PLXDC2: variants seen among roughly 807,000 people sequenced by gnomAD.
The protein encoded by PLXDC2 is plexin domain-containing protein 2.
Under a neutral mutation model 68.9 loss-of-function variants are expected in PLXDC2, and 40 were observed. That is an observed-to-expected ratio of 0.58 (90% CI 0.45 to 0.76). The LOEUF (loss-of-function observed/expected upper bound fraction) is 0.76. PLXDC2 is among the 30% of genes least tolerant of loss of function. The pLI is 0.00. For synonymous variants in PLXDC2, 243 were observed against 234.2 expected (o/e 1.04, Z -0.34); for missense variants, 644 against 661.9 (o/e 0.97, Z 0.30).
At chr10:19,951,383 G>A (rs775060843) in intron 1 of PLXDC2, among the ~76,000 whole-genome samples, 11 of 151,958 alleles carry the variant, frequency 7.2e-5, no homozygotes, top group Non-Finnish European at 1.5e-4. Flanking sequence ...CACATAGGTA[G>A]CCAACAAACA....
chr10:20,043,572 A>G (rs1835722360), intron 2 of PLXDC2, among the ~76,000 whole-genome samples: 1 of 152,130 alleles, frequency 6.6e-6, no homozygotes, highest in South Asian at 2.1e-4. Flanking sequence ...TGAAATTTTG[A>G]CACCTTAAAG....
At chr10:19,980,357 A>T (rs1001581597) in intron 1 of PLXDC2, among the ~76,000 whole-genome samples, 1 of 152,218 alleles carries the variant, frequency 6.6e-6, no homozygotes, top group African/African-American at 2.4e-5. Context: ...GTCAAGGATC[A>T]GTTATGTTTG....
intron 4 of PLXDC2, among the ~76,000 whole-genome samples, chr10:20,127,919 C>T (rs1222812158): frequency 1.3e-5 from 2 of 152,138 alleles, no homozygotes; most frequent in African/African-American, 4.8e-5. Context: ...GCATGAGCTT[C>T]CCTCTCTAGA....
chr10:20,083,126 G>A lies in PLXDC2; in HGVS notation c.541+14887G>A, dbSNP rs371906994. On this transcript the variant is annotated intron_variant, in intron 4 of 13. Transcript: ENST00000377252. ...CCCTAAGAGACTTGACAGATGGCTG[G>A]AGATCAGGAGTAGGAAAGAGATGTA... is the stretch of plus-strand genomic sequence containing the variant. Among the ~76,000 whole-genome samples, 31 of 152,254 alleles carry A rather than the reference G, an allele frequency of 2.0e-4. 1 individual carries two copies. In the East Asian group the frequency reaches 5.8e-3, roughly 28 times the overall value.
intron 4 of PLXDC2, among the ~76,000 whole-genome samples, chr10:20,124,499 G>C (rs1480838316): frequency 6.6e-6 from 1 of 152,144 alleles, no homozygotes; most frequent in Non-Finnish European, 1.5e-5. Flanking sequence ...GATCTCTCAA[G>C]GGAGGTCCCC....
At chr10:20,116,634 C>G (rs914135370) in intron 4 of PLXDC2, among the ~76,000 whole-genome samples, 4 of 152,172 alleles carry the variant, frequency 2.6e-5, no homozygotes, top group African/African-American at 9.6e-5. Flanking sequence ...TATTTGGATA[C>G]CTACAGATTG....
intron 1 of PLXDC2, among the ~76,000 whole-genome samples, chr10:19,841,971 G>A (rs568933127): frequency 6.6e-6 from 1 of 152,152 alleles, no homozygotes; most frequent in African/African-American, 2.4e-5. Flanking sequence ...AGTCTGTCAT[G>A]CCCCACATTA....
chr10:20,258,266 G>T (rs1835768062), intron 13 of PLXDC2, among the ~76,000 whole-genome samples: 1 of 151,990 alleles, frequency 6.6e-6, no homozygotes, highest in Non-Finnish European at 1.5e-5. Context: ...TTCCCAAAGT[G>T]CTGGAATTAC....
chr10:19,989,568 AG>A (rs893141458), intron 1 of PLXDC2, among the ~76,000 whole-genome samples: 3 of 152,224 alleles, frequency 2.0e-5, no homozygotes, highest in Admixed American at 1.3e-4. Context: ...AGACATGTGC[AG>A]GCTTTCAGAG....
intron 1 of PLXDC2, among the ~76,000 whole-genome samples, chr10:19,946,359 C>G (rs1833900564): frequency 1.3e-5 from 2 of 152,182 alleles, no homozygotes; most frequent in South Asian, 4.1e-4. Flanking sequence ...TCACTCCAAC[C>G]AAATTAAATA....
At chr10:20,026,901 A>ATATTTTTATAATATATT in intron 2 of PLXDC2, among the ~76,000 whole-genome samples, 1 of 133,162 alleles carries the variant, frequency 7.5e-6, no homozygotes, top group Non-Finnish European at 1.6e-5. Context: ...TATATAGAAT[A>ATATTTTTATAATATATT]CACTTTTATA....
At chr10:19,939,333 T>C (rs1833778440) in intron 1 of PLXDC2, among the ~76,000 whole-genome samples, 1 of 152,092 alleles carries the variant, frequency 6.6e-6, no homozygotes, top group Non-Finnish European at 1.5e-5. Flanking sequence ...GGGGAACAGA[T>C]TACACCCCCT....
At chr10:20,161,945 T>G (rs1215163382) in intron 6 of PLXDC2, among the ~76,000 whole-genome samples, 1 of 151,510 alleles carries the variant, frequency 6.6e-6, no homozygotes, top group Non-Finnish European at 1.5e-5. Flanking sequence ...GTAGGAGAAT[T>G]GCTTGAACCC....
At chr10:20,189,325 A>C (rs2131837201) in intron 9 of PLXDC2, among the ~76,000 whole-genome samples, 1 of 150,940 alleles carries the variant, frequency 6.6e-6, no homozygotes, top group East Asian at 2.0e-4. Context: ...AGAACCTGTC[A>C]TGAATTGGAA....
intron 4 of PLXDC2, among the ~76,000 whole-genome samples, chr10:20,133,480 C>A (rs1833894805): frequency 6.6e-6 from 1 of 152,096 alleles, no homozygotes; most frequent in Admixed American, 6.5e-5. Flanking sequence ...TTATAGTATT[C>A]TTGGTCATTG....
At chr10:20,118,135 CACAG>C (rs1316016275) in intron 4 of PLXDC2, among the ~76,000 whole-genome samples, 1 of 149,986 alleles carries the variant, frequency 6.7e-6, no homozygotes, top group Non-Finnish European at 1.5e-5. Context: ...CACACACACA[CACAG>C]ACACACACAC....
At chr10:19,876,242 C>A (rs1837629709) in intron 1 of PLXDC2, among the ~76,000 whole-genome samples, 1 of 152,122 alleles carries the variant, frequency 6.6e-6, no homozygotes, top group Non-Finnish European at 1.5e-5. Flanking sequence ...GTTTTGCTAT[C>A]TTTGAAATTG....
chr10:19,893,939 C>A (rs1838010525), intron 1 of PLXDC2, among the ~76,000 whole-genome samples: 1 of 152,202 alleles, frequency 6.6e-6, no homozygotes, highest in Non-Finnish European at 1.5e-5. Flanking sequence ...AGGGGGTCAA[C>A]CATGCTAACA....
At chr10:20,259,937 AAGG>A (rs1414293601) in intron 13 of PLXDC2, among the ~76,000 whole-genome samples, 3 of 152,226 alleles carry the variant, frequency 2.0e-5, no homozygotes, top group South Asian at 2.1e-4. Flanking sequence ...TAAATAAAAA[AAGG>A]AAGAAGATTC....
Sources: allele counts gnomAD v4.1 joint callset (sites outside exome capture counted in the v4.1 genomes callset), GRCh38; gene constraint gnomAD v4.1.1; transcripts MANE v1.5; gene names NCBI Gene and HGNC (gene_info 2026-07-23, HGNC 2026-07-21).